Variants in ALDH18A1 observed in about 807,000 individuals in gnomAD.
ALDH18A1 encodes aldehyde dehydrogenase 18 family member A1.
Under a neutral mutation model 88.8 loss-of-function variants are expected in ALDH18A1, and 44 were observed. The observed-to-expected ratio is 0.50, with a 90% confidence interval of 0.39 to 0.64. ALDH18A1 has a LOEUF of 0.64. ALDH18A1 is among the 30% of genes least tolerant of loss of function. The pLI is 0.00. For synonymous variants in ALDH18A1, 331 were observed against 372.1 expected (o/e 0.89, Z 1.27); for missense variants, 782 against 1,009.5 (o/e 0.77, Z 3.05).
intron 15 of ALDH18A1, among the ~76,000 whole-genome samples, chr10:95,612,150 C>T (rs2097836157): frequency 1.3e-5 from 2 of 152,172 alleles, no homozygotes; most frequent in Admixed American, 1.3e-4. Flanking sequence ...TACATTGCTA[C>T]TCCCTGTACC....
intron 3 of ALDH18A1, 107 bp from the exon 4 acceptor site, chr10:95,637,543 G>A: frequency 7.4e-7 from 1 of 1,355,740 alleles, no homozygotes; most frequent in Non-Finnish European, 1.0e-6. Flanking sequence ...CCAAATGCTG[G>A]TTTATGAACC....
In ALDH18A1 at chr10:95,613,970, C is replaced by G. The variant is rs752764884; in HGVS notation, c.1797G>C (p.Arg599Ser). 90 of 1,614,098 alleles carry G rather than the reference C, an allele frequency of 5.6e-5. No individual in the cohort carries two copies. The highest frequency in any genetic ancestry group is 7.2e-5 in the Non-Finnish European group (85 of 1,180,042). The change falls in exon 14 of 18, where the codon AGG (arginine) becomes AGC (serine). Residue 599 changes from arginine to serine, a missense_variant. Arg to Ser is a moderately radical substitution (Grantham distance 110, BLOSUM62 -1). This residue lies in a region of ALDH18A1 where 556 missense variants were observed against 654.5 expected (regional missense o/e 0.85). Coordinates refer to ENST00000371224, the MANE Select transcript of ALDH18A1 (RefSeq NM_002860.4). Reference protein sequence around the residue: ...DSEASVDKVTRLVRDSKCEYP... With the variant: ...DSEASVDKVTSLVRDSKCEYP... ...AGAAGACCCCATCCAGCTCACCTAG[C>G]CTGGTGACCTTATCAACACTGGCCT...
intron 5 of ALDH18A1, 62 bp downstream of exon 5, chr10:95,637,031 C>G: frequency 6.8e-7 from 1 of 1,468,804 alleles, no homozygotes; most frequent in Non-Finnish European, 9.5e-7. Flanking sequence ...GCTCCAGACC[C>G]CTTTGTTCCA....
chr10:95,633,812 C>CTTT (rs869056809), intron 5 of ALDH18A1, among the ~76,000 whole-genome samples, 163 bp from the exon 6 acceptor site: 12,136 of 103,132 alleles, frequency 0.12, 1,333 homozygotes, highest in East Asian at 0.43. Context: ...CTATCCAATT[C>CTTT]TTTTTTTTTT....
At chr10:95,629,272 G>A (rs2097864712) in intron 7 of ALDH18A1, among the ~76,000 whole-genome samples, 1 of 152,214 alleles carries the variant, frequency 6.6e-6, no homozygotes, top group Admixed American at 6.5e-5. Flanking sequence ...CACAGATGGG[G>A]AGGCTGGGGA....
At chr10:95,610,385 C>G in intron 16 of ALDH18A1, 93 bp from the exon 17 acceptor site, 2 of 1,259,280 alleles carry the variant, frequency 1.6e-6, no homozygotes, top group South Asian at 2.5e-5. Context: ...AGGGCAGGGT[C>G]TGGGTCCCCA....
intron 2 of ALDH18A1, among the ~76,000 whole-genome samples, chr10:95,649,507 ACC>A (rs2097906720): frequency 6.6e-6 from 1 of 151,694 alleles, no homozygotes; most frequent in Non-Finnish European, 1.5e-5. Flanking sequence ...GGCACCTGCC[ACC>A]ACACCCGGCT....
intron 3 of ALDH18A1, among the ~76,000 whole-genome samples, chr10:95,638,638 T>C (rs1054306869): frequency 1.7e-4 from 26 of 152,250 alleles, no homozygotes; most frequent in Admixed American, 5.9e-4. Flanking sequence ...TCTAATCCTA[T>C]GGGTTGCCTC....
chr10:95,654,125 T>C (rs2097914380), intron 1 of ALDH18A1, among the ~76,000 whole-genome samples: 1 of 152,082 alleles, frequency 6.6e-6, no homozygotes, highest in Admixed American at 6.5e-5. Context: ...AGGGAACTCC[T>C]TCCTATATGT....
intron 11 of ALDH18A1, among the ~76,000 whole-genome samples, chr10:95,622,892 C>T (rs1218921050): frequency 6.6e-6 from 1 of 152,090 alleles, no homozygotes; most frequent in East Asian, 1.9e-4. Context: ...TCTCCACACA[C>T]AAACATGTAC....
chr10:95,606,592 G>GCA lies in ALDH18A1; in HGVS notation c.*168_*169dup. ...AAGGGTGAGCTGGGAGCCAGACTGTGCACATCAGCCAAGACTGCTATTGCC... is the reference window on the plus strand; with the variant it reads ...AAGGGTGAGCTGGGAGCCAGACTGTGCACACATCAGCCAAGACTGCTATTGCC... On this transcript the variant is annotated 3_prime_UTR_variant, in exon 18 of 18. Transcript: ENST00000371224. The GCA allele has an allele frequency of 1.9e-6, 3 of 1,561,364 alleles. No individual in the cohort carries two copies. The highest frequency in any genetic ancestry group is 2.4e-5 in the South Asian group (2 of 83,678).
chr10:95,631,121 T>A (rs1432492999), intron 7 of ALDH18A1, among the ~76,000 whole-genome samples: 1 of 152,168 alleles, frequency 6.6e-6, no homozygotes, highest in Non-Finnish European at 1.5e-5. Flanking sequence ...AGCTACTATA[T>A]TTCTTATGGG....
At chr10:95,639,122 AG>A (rs2097886563) in intron 3 of ALDH18A1, among the ~76,000 whole-genome samples, 1 of 152,152 alleles carries the variant, frequency 6.6e-6, no homozygotes, top group Non-Finnish European at 1.5e-5. Flanking sequence ...GCTTGAGGCC[AG>A]GAATTCGAAA....
At chr10:95,621,538 C>T (rs2097852663) in intron 11 of ALDH18A1, among the ~76,000 whole-genome samples, 1 of 152,004 alleles carries the variant, frequency 6.6e-6, no homozygotes, top group Admixed American at 6.6e-5. Context: ...TCTCGAACTC[C>T]TCAACTCAAG....
chr10:95,628,795 T>C lies in ALDH18A1; in HGVS notation c.809-303A>G, dbSNP rs1269966281. The C allele has an allele frequency of 1.3e-5, 5 of 390,926 alleles. No individual in the cohort carries two copies. The East Asian group carries it at 2.9e-4, about 23-fold the overall frequency. 24.2% of individuals were successfully genotyped at this position (390,926 alleles called of 1,614,324 possible). On this transcript the variant is annotated intron_variant, in intron 7 of 17. Coordinates refer to ENST00000371224, the MANE Select transcript of ALDH18A1 (RefSeq NM_002860.4). ...TGCCCATATTCCTGGCAAGGTGTCC[T>C]TAATTCTGCCATTGCTACTTATGAT... is the stretch of plus-strand genomic sequence containing the variant.
intron 3 of ALDH18A1, among the ~76,000 whole-genome samples, chr10:95,638,477 G>A (rs1484298890): frequency 6.6e-6 from 1 of 152,186 alleles, no homozygotes; most frequent in Non-Finnish European, 1.5e-5. Context: ...CCTAATATTT[G>A]CAGGGAGTGT....
chr10:95,631,670 G>A (rs751645975), intron 7 of ALDH18A1, among the ~76,000 whole-genome samples: 1 of 149,068 alleles, frequency 6.7e-6, no homozygotes, highest in Non-Finnish European at 1.5e-5. Flanking sequence ...TTGAACCTGG[G>A]AAGTGGAGGT....
In ALDH18A1 at chr10:95,616,565, C is replaced by A. The variant is rs1176179972; in HGVS notation, c.1517G>T (p.Gly506Val). ...CCGGTTGCTGTGTGCAGCCTCCTTC[C>A]CTCCTTTGAGTAACAAGCCATTGCC... is the stretch of plus-strand genomic sequence containing the variant. ...ASGNGLLLKG[G>V]KEAAHSNRIL... Residue 506 changes from glycine to valine, a missense_variant, in exon 13 of 18, where the codon GGG becomes GTG. Physicochemically the swap from Gly to Val is moderately radical, Grantham distance 109. Coordinates refer to ENST00000371224, the MANE Select transcript of ALDH18A1 (RefSeq NM_002860.4). 6.2e-7 allele frequency: 1 copy of A among 1,603,686 alleles called. No homozygotes were observed. Among genetic ancestry groups the A allele is most frequent in the Non-Finnish European group, 8.5e-7 (1 of 1,175,286 alleles).
intron 5 of ALDH18A1, among the ~76,000 whole-genome samples, chr10:95,635,743 C>T (rs375442571): frequency 1.1e-4 from 17 of 152,204 alleles, no homozygotes; most frequent in African/African-American, 4.1e-4. Context: ...TAAATGGAAA[C>T]AATGGCTGAT....
Sources: gnomAD v4.1 joint callset for allele counts (sites outside exome capture counted in the v4.1 genomes callset) on GRCh38, gnomAD v4.1.1 for gene constraint, gnomAD v4.1.1 regional missense constraint, MANE v1.5 for transcripts, NCBI Gene and HGNC (gene_info 2026-07-23, HGNC 2026-07-21) for gene names.